NACC2: variants seen among roughly 807,000 people sequenced by gnomAD.
NACC2 encodes the protein nucleus accumbens-associated protein 2.
In NACC2, 8 loss-of-function variants were observed where a neutral mutation model predicts 25.1. That is an observed-to-expected ratio of 0.32 (90% CI 0.19 to 0.57). NACC2 has a LOEUF of 0.57. Ranked by LOEUF, NACC2 falls within the 20% of genes least tolerant of loss-of-function variation. The probability of loss-of-function intolerance (pLI) is 0.89; values close to 1 mark genes in which losing one functional copy is unlikely to be tolerated. For missense variants in NACC2, 644 were observed against 650.2 expected (o/e 0.99, Z 0.10); for synonymous variants, 435 against 294.7 (o/e 1.48, Z -4.88).
chr9:136,025,829 C>T (rs10858206), intron 2 of NACC2, among the ~76,000 whole-genome samples: 34,682 of 151,816 alleles, frequency 0.23, 4,893 homozygotes, highest in Non-Finnish European at 0.31. Context: ...GCAGGAGAAT[C>T]GCTTGAACCC....
At chr9:136,073,463 G>A (rs2131179837) in intron 1 of NACC2, among the ~76,000 whole-genome samples, 2 of 152,106 alleles carry the variant, frequency 1.3e-5, no homozygotes, top group African/African-American at 4.8e-5. Context: ...AAAAAATGAG[G>A]ACCCCAGTAG....
At chr9:136,028,682 G>C (rs1020150619) in intron 2 of NACC2, among the ~76,000 whole-genome samples, 1 of 152,186 alleles carries the variant, frequency 6.6e-6, no homozygotes, top group Non-Finnish European at 1.5e-5. Flanking sequence ...CACCCTCCCA[G>C]GCGCAGCTGC....
At chr9:136,067,500 C>T (rs528562972) in intron 1 of NACC2, among the ~76,000 whole-genome samples, 1 of 152,190 alleles carries the variant, frequency 6.6e-6, no homozygotes, top group African/African-American at 2.4e-5. Flanking sequence ...CTGAACACCG[C>T]AGGTGATTTT....
chr9:136,043,814 A>G (rs1416617306), intron 2 of NACC2, among the ~76,000 whole-genome samples: 1 of 152,156 alleles, frequency 6.6e-6, no homozygotes, highest in Non-Finnish European at 1.5e-5. Flanking sequence ...TGTAAAGGAT[A>G]CAAATACTTT....
rs1460809920 is a variant in NACC2, at chr9:136,011,568, G to A, written c.1712C>T (p.Thr571Met). The change falls in exon 6 of 6, where the codon ACG (threonine) becomes ATG (methionine). Residue 571 changes from threonine to methionine, a missense_variant. Physicochemically the swap from Thr to Met is moderately conservative, Grantham distance 81. Transcript: ENST00000277554. ...QGGGGPSRPQ[T>M]PAAAARRPEG... is the part of the protein sequence containing the mutation. ...CGGCCTCCGGGCCGCGGCCGCCGGC[G>A]TCTGGGGCCTGCTGGGGCCGCCCCC... is the stretch of plus-strand genomic sequence containing the variant. 5.7e-6 allele frequency: 8 copies of A among 1,408,608 alleles called. No homozygotes were observed. Among genetic ancestry groups the A allele is most frequent in the East Asian group, 2.8e-5 (1 of 36,216 alleles). The allele number at this position is 1,408,608 out of a possible 1,614,324, so 87.3% of individuals were successfully genotyped here. A position where few individuals can be genotyped will look rare whatever the true frequency, so the allele number is the denominator to read the frequency against.
chr9:136,011,334 T>C lies in NACC2; in HGVS notation c.*182A>G, dbSNP rs1199586524. ...GGAGGCTGCCAGTGGCCTAATTGTTTACAGTATAATGAATGCATTTGTTTC... is the reference window on the plus strand; with the variant it reads ...GGAGGCTGCCAGTGGCCTAATTGTTCACAGTATAATGAATGCATTTGTTTC... On this transcript the variant is annotated 3_prime_UTR_variant, in exon 6 of 6. Coordinates refer to ENST00000277554, the MANE Select transcript of NACC2 (RefSeq NM_144653.5). 2 of 668,588 alleles carry C rather than the reference T, an allele frequency of 3.0e-6. No homozygotes were observed. The highest frequency in any genetic ancestry group is 3.7e-5 in the African/African-American group (2 of 53,416). 41.4% of individuals were successfully genotyped at this position (668,588 alleles called of 1,614,324 possible). A position where few individuals can be genotyped will look rare whatever the true frequency, so the allele number is the denominator to read the frequency against.
chr9:136,060,977 C>A (rs919328297), intron 1 of NACC2, among the ~76,000 whole-genome samples: 1 of 152,182 alleles, frequency 6.6e-6, no homozygotes, highest in South Asian at 2.1e-4. Flanking sequence ...CCCCAGGATG[C>A]CCTGGCCTGA....
Position 136,007,305 on chromosome 9 carries a change from G to A in NACC2, c.*4211C>T, listed in dbSNP as rs946381727. The stretch of plus-strand genomic sequence containing the variant: ...ACCTTTGCCATTTTAGAACCATCTT[G>A]TACCAAACCCTAAATGCTCCGGTGG... On this transcript the variant is annotated 3_prime_UTR_variant, in exon 6 of 6. Transcript: ENST00000277554. The A allele has an allele frequency of 6.5e-6, 1 of 154,306 alleles. No homozygotes were observed. Among genetic ancestry groups the A allele is most frequent in the Non-Finnish European group, 1.5e-5 (1 of 68,166 alleles). The allele number at this position is 154,306 out of a possible 1,614,324, so 9.6% of individuals were successfully genotyped here.
chr9:136,028,524 G>A (rs922025221), intron 2 of NACC2, among the ~76,000 whole-genome samples: 1 of 152,120 alleles, frequency 6.6e-6, no homozygotes, highest in African/African-American at 2.4e-5. Flanking sequence ...TACAGGTGAT[G>A]GCAGCGGTGG....
rs1238175037 is a variant in NACC2, at chr9:136,055,997, T to G, written c.-59-5417A>C. Reference sequence around the variant, plus strand: ...TCTGGGGGCTGCTACCCCGTGGACCTTGCCCACCTCCGCGCAACGCCTTCC... The same window carrying G: ...TCTGGGGGCTGCTACCCCGTGGACCGTGCCCACCTCCGCGCAACGCCTTCC... On this transcript the variant is annotated intron_variant, in intron 1 of 5. Transcript: ENST00000277554. This position sits in a 1 kb window ranked among gnomAD's most constrained non-coding sequence, Gnocchi z 4.9. 6.6e-6 allele frequency among the ~76,000 whole-genome samples: 1 copy of G among 152,180 alleles called. No homozygotes were observed. Among genetic ancestry groups the G allele is most frequent in the Non-Finnish European group, 1.5e-5 (1 of 68,032 alleles).
At chr9:136,025,634 C>T (rs2131143286) in intron 2 of NACC2, among the ~76,000 whole-genome samples, 1 of 151,906 alleles carries the variant, frequency 6.6e-6, no homozygotes, top group East Asian at 1.9e-4. Context: ...AAAAACGCAG[C>T]CGGGCGCAGT....
intron 2 of NACC2, among the ~76,000 whole-genome samples, chr9:136,041,016 A>AAAGGAAGG (rs1170093198): frequency 2.0e-4 from 19 of 95,744 alleles, no homozygotes; most frequent in South Asian, 6.6e-4. Context: ...GGAAGGAAGG[A>AAAGGAAGG]AAGGAAAGGA....
intron 1 of NACC2, among the ~76,000 whole-genome samples, chr9:136,056,041 G>C (rs980977786): frequency 6.6e-6 from 1 of 152,066 alleles, no homozygotes; most frequent in African/African-American, 2.4e-5. Flanking sequence ...TACGGTGCAG[G>C]CTCCAGGAGG....
chr9:136,021,535 G>A (rs1200243251), intron 2 of NACC2, among the ~76,000 whole-genome samples: 1 of 152,196 alleles, frequency 6.6e-6, no homozygotes, highest in African/African-American at 2.4e-5. Context: ...TGGCCACTCT[G>A]GAAAACTGCT....
At position 136,072,885 on chromosome 9, in the gene NACC2, T is replaced by C. The variant is rs1052609514; in HGVS notation, c.-60+22304A>G. Among the ~76,000 whole-genome samples, 5 of 151,738 alleles carry C rather than the reference T, an allele frequency of 3.3e-5. No individual in the cohort carries two copies. The East Asian group carries it at 7.8e-4, about 24-fold the overall frequency. On this transcript the variant is annotated intron_variant, in intron 1 of 5. Transcript: ENST00000277554. ...AATAAATAAATAACCCCAAAATGAA[T>C]TGGAGACTTAAACATAAAACTAGAG... is the stretch of plus-strand genomic sequence containing the variant.
intron 1 of NACC2, among the ~76,000 whole-genome samples, chr9:136,054,327 G>A (rs1281014073): frequency 6.6e-6 from 1 of 152,230 alleles, no homozygotes; most frequent in Non-Finnish European, 1.5e-5. Context: ...GTGGTCCCTG[G>A]GGATCGAGGA....
At chr9:136,033,606 G>C (rs1273728772) in intron 2 of NACC2, among the ~76,000 whole-genome samples, 1 of 131,462 alleles carries the variant, frequency 7.6e-6, no homozygotes, top group South Asian at 2.5e-4. Flanking sequence ...GCTGAGATCT[G>C]CCACTGCACT....
At chr9:136,064,340 A>AC (rs1402761965) in intron 1 of NACC2, among the ~76,000 whole-genome samples, 1 of 152,222 alleles carries the variant, frequency 6.6e-6, no homozygotes, top group Non-Finnish European at 1.5e-5. Flanking sequence ...GGAAGAATGA[A>AC]CAAGCACAGC....
chr9:136,029,460 G>A (rs994290605), intron 2 of NACC2, among the ~76,000 whole-genome samples: 7 of 152,214 alleles, frequency 4.6e-5, no homozygotes, highest in South Asian at 2.1e-4. Flanking sequence ...ACAAGAACTC[G>A]GGACCTGCCA....
Sources: gnomAD v4.1 joint callset for allele counts (sites outside exome capture counted in the v4.1 genomes callset) on GRCh38, gnomAD v4.1.1 for gene constraint, Gnocchi (gnomAD v3.1) non-coding constraint, MANE v1.5 for transcripts, NCBI Gene and HGNC (gene_info 2026-07-23, HGNC 2026-07-21) for gene names.